TRIM40: variants seen among roughly 807,000 people sequenced by gnomAD.
TRIM40 encodes tripartite motif containing 40.
In TRIM40, 27 loss-of-function variants were observed where a neutral mutation model predicts 26.1. The ratio of observed to expected loss-of-function variants is 1.04; its 90% CI spans 0.76 to 1.43. The LOEUF (loss-of-function observed/expected upper bound fraction) is 1.43. TRIM40 is among the 40% of genes most tolerant of loss of function. The probability of loss-of-function intolerance (pLI) is 0.00; values close to 1 mark genes in which losing one functional copy is unlikely to be tolerated. For missense variants in TRIM40, 289 were observed against 307.9 expected, an observed-to-expected ratio of 0.94 and a Z score of 0.46; for synonymous variants, 114 against 120.0, an observed-to-expected ratio of 0.95 and a Z score of 0.33.
rs1296415280 is a variant in TRIM40 at position 30,147,127 on chromosome 6, T to A, written c.584T>A (p.Ile195Asn). Reference protein sequence around the residue: ...MPAEAARILDISRAVTQLRSL... With the variant: ...MPAEAARILDNSRAVTQLRSL... ...GCAGAAGCGGCCAGAATCCTTGACA[T>A]CTCCAGGGCAGTAACACAGCTCAGA... is the stretch of plus-strand genomic sequence containing the variant. The change falls in exon 4 of 6, where the codon ATC (isoleucine) becomes AAC (asparagine). Residue 195 changes from isoleucine to asparagine, a missense_variant. Physicochemically the swap from Ile to Asn is moderately radical, Grantham distance 149 (BLOSUM62 -3). Transcript: ENST00000396581. 1.9e-6 allele frequency: 3 copies of A among 1,613,992 alleles called. No individual in the cohort carries two copies. Among genetic ancestry groups the A allele is most frequent in the Non-Finnish European group, 2.5e-6 (3 of 1,180,024 alleles).
chr6:30,147,179 G>T lies in TRIM40; in HGVS notation c.636G>T (p.Thr212=), dbSNP rs141466884. The change falls in exon 4 of 6, where the codon ACG becomes ACT. Residue 212 remains threonine (T), a synonymous_variant. Coordinates refer to ENST00000396581, the MANE Select transcript of TRIM40 (RefSeq NM_001286633.2). ...LRSLVIDLER[T]AKELDTNTLK... The stretch of plus-strand genomic sequence containing the variant: ...GCCTGGTCATTGATCTGGAAAGGAC[G>T]GCCAAGGAATTAGACACCAACACAC... 3 of 1,614,216 alleles carry T rather than the reference G, an allele frequency of 1.9e-6. No individual in the cohort carries two copies. In the South Asian group the frequency reaches 3.3e-5, roughly 18 times the overall value.
chr6:30,147,608 AG>A (rs1771748238), intron 5 of TRIM40, 66 bp downstream of exon 5: 1 of 1,613,190 alleles, frequency 6.2e-7, no homozygotes, highest in African/African-American at 1.3e-5. Context: ...ACATGCACAG[AG>A]GTCAAGGAGA....
rs28780089 is a variant in TRIM40, at chr6:30,148,169, G to A, written c.*357G>A. On this transcript the variant is annotated 3_prime_UTR_variant, in exon 6 of 6. Coordinates refer to ENST00000396581, the MANE Select transcript of TRIM40 (RefSeq NM_001286633.2). Reference sequence around the variant, plus strand: ...GATCCTCCAGGCCTCTGAATGGCCCGAGCTCATCAGCAGTGACACCACCTC... The same window carrying A: ...GATCCTCCAGGCCTCTGAATGGCCCAAGCTCATCAGCAGTGACACCACCTC... 18,908 of 336,548 alleles carry A rather than the reference G, an allele frequency of 0.056. 704 individuals carry two copies. The highest frequency in any genetic ancestry group is 0.12 in the Middle Eastern group (139 of 1,166). The allele number at this position is 336,548 out of a possible 1,614,324, so 20.8% of individuals were successfully genotyped here. A position where few individuals can be genotyped will look rare whatever the true frequency, so the allele number is the denominator to read the frequency against.
intron 2 of TRIM40, among the ~76,000 whole-genome samples, chr6:30,141,139 A>C (rs560964443): frequency 6.6e-6 from 1 of 152,286 alleles, no homozygotes; most frequent in African/African-American, 2.4e-5. Flanking sequence ...GCAACAACAA[A>C]GTGAAATTAA....
intron 3 of TRIM40, among the ~76,000 whole-genome samples, chr6:30,146,419 A>G (rs55994375): frequency 6.7e-6 from 1 of 148,158 alleles, no homozygotes; most frequent in Non-Finnish European, 1.5e-5. Flanking sequence ...ATTTTATTTT[A>G]TTTTTTTTTT....
At chr6:30,138,076 CACACA>C (rs755097454) in intron 2 of TRIM40, among the ~76,000 whole-genome samples, 28,293 of 152,010 alleles carry the variant, frequency 0.19, 3,010 homozygotes, top group East Asian at 0.24. Context: ...TACACACACA[CACACA>C]CACACACACC....
Position 30,137,086 on chromosome 6 carries a change from G to T in TRIM40, c.50G>T (p.Cys17Phe). Residue 17 changes from cysteine to phenylalanine, a missense_variant, in exon 2 of 6, where the codon TGC (cysteine) becomes TTC (phenylalanine). Cys to Phe is a radical substitution (Grantham distance 205). Coordinates refer to ENST00000396581, the MANE Select transcript of TRIM40 (RefSeq NM_001286633.2). ...CAGGAGGAGGGTGTCTGCCCCATCT[G>T]CCAGGAGAGCCTGAAGGAGGCCGTG... Reference protein sequence around the residue: ...DNQEEGVCPICQESLKEAVST... With the variant: ...DNQEEGVCPIFQESLKEAVST... The T allele has an allele frequency of 6.2e-7, 1 of 1,613,050 alleles. No homozygotes were observed. Among genetic ancestry groups the T allele is most frequent in the Non-Finnish European group, 8.5e-7 (1 of 1,180,028 alleles).
intron 2 of TRIM40, among the ~76,000 whole-genome samples, chr6:30,144,470 C>G (rs1771531634): frequency 6.6e-6 from 1 of 152,064 alleles, no homozygotes; most frequent in Non-Finnish European, 1.5e-5. Flanking sequence ...TTTTGGAATT[C>G]TAAGATCTGA....
intron 3 of TRIM40, 126 bp from the exon 4 acceptor site, chr6:30,146,859 C>A: frequency 1.1e-6 from 1 of 931,384 alleles, no homozygotes; most frequent in Non-Finnish European, 1.6e-6. Flanking sequence ...ACCTGTGACA[C>A]ACAGAGGCAA....
At chr6:30,138,157 C>T (rs889376687) in intron 2 of TRIM40, among the ~76,000 whole-genome samples, 2 of 152,104 alleles carry the variant, frequency 1.3e-5, no homozygotes, top group African/African-American at 4.8e-5. Context: ...GTGGCTTGAA[C>T]ATTTTCTCAT....
intron 3 of TRIM40, 33 bp from the exon 4 acceptor site, chr6:30,146,952 G>A (rs1411098233): frequency 1.3e-6 from 2 of 1,552,074 alleles, no homozygotes. Context: ...GGAGCCACCT[G>A]ACACTGAGTC....
chr6:30,143,344 C>G (rs114687786), intron 2 of TRIM40, among the ~76,000 whole-genome samples: 1,676 of 151,366 alleles, frequency 0.011, 24 homozygotes, highest in African/African-American at 0.034. Flanking sequence ...TTTTCTAGAT[C>G]ATAATTGTGT....
Position 30,148,161 on chromosome 6 carries a change from A to AT in TRIM40, c.*349_*350insT. 2.7e-6 allele frequency: 1 copy of AT among 368,128 alleles called. No individual in the cohort carries two copies. Among genetic ancestry groups the AT allele is most frequent in the South Asian group, 4.4e-5 (1 of 22,528 alleles). The allele number at this position is 368,128 out of a possible 1,614,324, so 22.8% of individuals were successfully genotyped here. A position where few individuals can be genotyped will look rare whatever the true frequency, so the allele number is the denominator to read the frequency against. On this transcript the variant is annotated 3_prime_UTR_variant, in exon 6 of 6. Coordinates refer to ENST00000396581, the MANE Select transcript of TRIM40 (RefSeq NM_001286633.2). Reference sequence around the variant, plus strand: ...TCAAATAGGATCCTCCAGGCCTCTGAATGGCCCGAGCTCATCAGCAGTGAC... The same window carrying AT: ...TCAAATAGGATCCTCCAGGCCTCTGATATGGCCCGAGCTCATCAGCAGTGAC...
At chr6:30,145,657 A>G (rs1771600111) in intron 2 of TRIM40, among the ~76,000 whole-genome samples, 1 of 152,172 alleles carries the variant, frequency 6.6e-6, no homozygotes, top group Non-Finnish European at 1.5e-5. Context: ...TTACTGTAAA[A>G]TAGTAAGAAG....
At chr6:30,144,927 T>C (rs9261508) in intron 2 of TRIM40, among the ~76,000 whole-genome samples, 33,487 of 152,096 alleles carry the variant, frequency 0.22, 4,024 homozygotes, top group Admixed American at 0.25. Flanking sequence ...CATTTATTAC[T>C]TCCCACTCCT....
Position 30,136,941 on chromosome 6 carries a change from C to A in TRIM40, c.-96C>A, listed in dbSNP as rs1035500497. 7.7e-7 allele frequency: 1 copy of A among 1,301,460 alleles called. No homozygotes were observed. Among genetic ancestry groups the A allele is most frequent in the African/African-American group, 1.5e-5 (1 of 67,428 alleles). 80.6% of individuals were successfully genotyped at this position (1,301,460 alleles called of 1,614,324 possible). ...CAGGGCTGCCTCCTTCCGACTGGGC[C>A]TTCTTATCTGGGACTGTTGAGGGCA... On this transcript the variant is annotated 5_prime_UTR_variant, in exon 2 of 6. Coordinates refer to ENST00000396581, the MANE Select transcript of TRIM40 (RefSeq NM_001286633.2).
At chr6:30,142,747 C>T (rs9261494) in intron 2 of TRIM40, among the ~76,000 whole-genome samples, 139,461 of 152,108 alleles carry the variant, frequency 0.92, 64,094 homozygotes, top group East Asian at 0.99. Flanking sequence ...CGTTAATTTT[C>T]CTTTATTCTG....
At position 30,148,193 on chromosome 6, in the gene TRIM40, T is replaced by G. The variant is rs554994399; in HGVS notation, c.*381T>G. 7.0e-5 allele frequency: 19 copies of G among 271,354 alleles called. No individual in the cohort carries two copies. Among genetic ancestry groups the G allele is most frequent in the Admixed American group, 9.4e-5 (2 of 21,294 alleles). The allele number at this position is 271,354 out of a possible 1,614,324, so 16.8% of individuals were successfully genotyped here. A position where few individuals can be genotyped will look rare whatever the true frequency, so the allele number is the denominator to read the frequency against. On this transcript the variant is annotated 3_prime_UTR_variant, in exon 6 of 6. Transcript: ENST00000396581. The stretch of plus-strand genomic sequence containing the variant: ...CGAGCTCATCAGCAGTGACACCACC[T>G]CACATGTGGAGCCCAGCTGAGTTCC...
chr6:30,147,324 C>A, intron 4 of TRIM40, 115 bp downstream of exon 4: 1 of 1,401,140 alleles, frequency 7.1e-7, no homozygotes, highest in African/African-American at 1.4e-5. Context: ...TATGTGGTGA[C>A]TTGTGGTAGA....
Sources: gnomAD v4.1 joint callset for allele counts (sites outside exome capture counted in the v4.1 genomes callset) on GRCh38, gnomAD v4.1.1 for gene constraint, MANE v1.5 for transcripts, NCBI Gene and HGNC (gene_info 2026-07-23, HGNC 2026-07-21) for gene names.